Variants in RERE observed in about 807,000 individuals in gnomAD.
RERE encodes the protein arginine-glutamic acid dipeptide repeats, also known as arginine-glutamic acid dipeptide repeats protein.
RERE carries 40 observed loss-of-function variants against 146.1 expected under a neutral mutation model. The ratio of observed to expected loss-of-function variants is 0.27; its 90% CI spans 0.21 to 0.36. The LOEUF (loss-of-function observed/expected upper bound fraction) is 0.36. Among genes scored for constraint, RERE ranks in the 10% least tolerant of loss-of-function variants. The pLI is 1.00. For missense variants in RERE, 1,933 were observed against 2,138.7 expected, an observed-to-expected ratio of 0.90 and a Z score of 1.90; for synonymous variants, 1,003 against 866.0, an observed-to-expected ratio of 1.16 and a Z score of -2.78.
chr1:8,406,770 A>G (rs1643453455), intron 12 of RERE, among the ~76,000 whole-genome samples: 1 of 150,554 alleles, frequency 6.6e-6, no homozygotes, highest in South Asian at 2.1e-4. Flanking sequence ...CACGTTGAGA[A>G]TTTAGAATTC....
chr1:8,454,863 G>C (rs1003448538), intron 11 of RERE, among the ~76,000 whole-genome samples: 1 of 151,948 alleles, frequency 6.6e-6, no homozygotes, highest in African/African-American at 2.4e-5. Flanking sequence ...GACTCAAGAA[G>C]GGGAGTGGGG....
chr1:8,365,360 T>C (rs1189469845), intron 13 of RERE, among the ~76,000 whole-genome samples: 2 of 152,144 alleles, frequency 1.3e-5, no homozygotes, highest in Non-Finnish European at 2.9e-5. Context: ...CATTAGATTG[T>C]ACATCATACT....
At chr1:8,531,769 T>C (rs1426694137) in intron 7 of RERE, among the ~76,000 whole-genome samples, 2 of 152,186 alleles carry the variant, frequency 1.3e-5, no homozygotes, top group Non-Finnish European at 2.9e-5. Flanking sequence ...CCCCAATTAT[T>C]ACAGAGCGTT....
chr1:8,693,971 T>A (rs1639265134), intron 1 of RERE, among the ~76,000 whole-genome samples: 1 of 148,516 alleles, frequency 6.7e-6, no homozygotes, highest in African/African-American at 2.5e-5. Flanking sequence ...ATGCTACTTA[T>A]CTAAATGCTT....
intron 1 of RERE, among the ~76,000 whole-genome samples, chr1:8,816,854 A>T (rs1476478737): frequency 1.3e-5 from 2 of 152,128 alleles, no homozygotes; most frequent in Non-Finnish European, 2.9e-5. Context: ...CTTCCCTTCC[A>T]GTTTCAGCCA....
chr1:8,515,408 G>C (rs1320971451), intron 7 of RERE, among the ~76,000 whole-genome samples: 3 of 148,996 alleles, frequency 2.0e-5, no homozygotes, highest in African/African-American at 5.1e-5. Flanking sequence ...GAGGCAGGCA[G>C]GTCACCTGAC....
intron 2 of RERE, among the ~76,000 whole-genome samples, chr1:8,637,036 T>C (rs1647110424): frequency 6.6e-6 from 1 of 152,152 alleles, no homozygotes; most frequent in African/African-American, 2.4e-5. Flanking sequence ...CCTAGTGGCA[T>C]CCAGAACACA....
At chr1:8,526,516 T>C (rs1645573310) in intron 7 of RERE, among the ~76,000 whole-genome samples, 1 of 152,218 alleles carries the variant, frequency 6.6e-6, no homozygotes, top group Non-Finnish European at 1.5e-5. Flanking sequence ...GGTAAAGTTA[T>C]GGAGTGCTTG....
At chr1:8,380,050 C>T (rs1357364139) in intron 12 of RERE, among the ~76,000 whole-genome samples, 6 of 152,250 alleles carry the variant, frequency 3.9e-5, no homozygotes, top group South Asian at 2.1e-4. Context: ...GCCCACCTCA[C>T]GGCTGACATG....
intron 1 of RERE, among the ~76,000 whole-genome samples, chr1:8,714,022 T>TA (rs938872085): frequency 6.6e-6 from 1 of 152,204 alleles, no homozygotes; most frequent in Non-Finnish European, 1.5e-5. Flanking sequence ...ATTTGGCTTT[T>TA]AAAGGGTAGT....
At chr1:8,634,531 C>T (rs1408232716) in intron 2 of RERE, among the ~76,000 whole-genome samples, 1 of 152,168 alleles carries the variant, frequency 6.6e-6, no homozygotes, top group African/African-American at 2.4e-5. Context: ...AAATCTATTA[C>T]AGTGTCAGCA....
rs1475184975 is a variant in RERE at position 8,545,774 on chromosome 1, C to CCCGGGTTCAAGCAATTCT, written c.726-4474_726-4457dup. On this transcript the variant is annotated intron_variant, in intron 6 of 22. Transcript: ENST00000400908. ...TCTCGACTCACTGCAACCTCCGCCT[C>CCCGGGTTCAAGCAATTCT]CCGGGTTCAAGCAATTCTCCTGCTT... is the stretch of plus-strand genomic sequence containing the variant. Among the ~76,000 whole-genome samples, 15 of 149,930 alleles carry CCCGGGTTCAAGCAATTCT rather than the reference C, an allele frequency of 1.0e-4. No homozygotes were observed. In the South Asian group the frequency reaches 3.2e-3, roughly 31 times the overall value.
chr1:8,788,836 C>A (rs921207733), intron 1 of RERE, among the ~76,000 whole-genome samples: 2 of 151,744 alleles, frequency 1.3e-5, no homozygotes, highest in Admixed American at 6.6e-5. Flanking sequence ...CACAGGGTAG[C>A]AAAGCCACTG....
At chr1:8,531,822 G>A (rs1245886530) in intron 7 of RERE, among the ~76,000 whole-genome samples, 2 of 151,984 alleles carry the variant, frequency 1.3e-5, no homozygotes, top group African/African-American at 4.8e-5. Flanking sequence ...TGATTGCATG[G>A]GTACAAAAAA....
At chr1:8,811,974 C>T (rs1354003382) in intron 1 of RERE, among the ~76,000 whole-genome samples, 1 of 152,168 alleles carries the variant, frequency 6.6e-6, no homozygotes, top group African/African-American at 2.4e-5. Flanking sequence ...GGACCCATAT[C>T]CCTGACAGTA....
At chr1:8,726,052 T>C (rs1639956933) in intron 1 of RERE, among the ~76,000 whole-genome samples, 1 of 151,948 alleles carries the variant, frequency 6.6e-6, no homozygotes, top group Non-Finnish European at 1.5e-5. Context: ...TAAAGATATA[T>C]TCCTTTCACT....
At chr1:8,661,017 G>A (rs1414985276) in intron 1 of RERE, among the ~76,000 whole-genome samples, 2 of 152,138 alleles carry the variant, frequency 1.3e-5, no homozygotes, top group Admixed American at 6.5e-5. Context: ...CTCAGCAGTG[G>A]AGAGAGACCA....
intron 12 of RERE, among the ~76,000 whole-genome samples, chr1:8,397,962 G>T (rs1240092217): frequency 1.3e-5 from 2 of 152,240 alleles, no homozygotes; most frequent in African/African-American, 2.4e-5. Context: ...GAGTAAGACA[G>T]TCCTTGCCTT....
At chr1:8,610,487 G>A (rs150585251) in intron 4 of RERE, among the ~76,000 whole-genome samples, 2,301 of 152,150 alleles carry the variant, frequency 0.015, 58 homozygotes, top group African/African-American at 0.053. Flanking sequence ...TACTCCAGAG[G>A]CTGAGGCAGG....
Sources: allele counts gnomAD v4.1 joint callset (sites outside exome capture counted in the v4.1 genomes callset), GRCh38; gene constraint gnomAD v4.1.1; transcripts MANE v1.5; gene names NCBI Gene and HGNC (gene_info 2026-07-23, HGNC 2026-07-21).